Variants in NCR3LG1 observed in about 807,000 individuals in gnomAD.
The protein encoded by NCR3LG1 is natural killer cell cytotoxicity receptor 3 ligand 1.
A neutral mutation model predicts 34.8 loss-of-function variants in NCR3LG1; 35 were observed. That is an observed-to-expected ratio of 1.01 (90% CI 0.77 to 1.33). The LOEUF is 1.33. Among genes scored for constraint, NCR3LG1 ranks in the 40% most tolerant of loss-of-function variants. The pLI, the probability that NCR3LG1 is intolerant of heterozygous loss-of-function variation, is 0.00. For synonymous variants in NCR3LG1, 173 were observed against 163.6 expected, an observed-to-expected ratio of 1.06 and a Z score of -0.44; for missense variants, 452 against 423.3, an observed-to-expected ratio of 1.07 and a Z score of -0.60.
intron 2 of NCR3LG1, among the ~76,000 whole-genome samples, chr11:17,357,413 A>T (rs556658915): frequency 6.6e-6 from 1 of 152,268 alleles, no homozygotes; most frequent in East Asian, 1.9e-4. Context: ...TTTTAACTTA[A>T]TTACCTCTTT....
chr11:17,366,117 A>G (rs1011673302), intron 2 of NCR3LG1, among the ~76,000 whole-genome samples: 4 of 152,138 alleles, frequency 2.6e-5, no homozygotes, highest in Admixed American at 1.3e-4. Flanking sequence ...GGCTTTGGAA[A>G]TGGCAGTTTA....
In NCR3LG1 at chr11:17,376,036, A is replaced by G. The variant is rs1275366600; in HGVS notation, c.*3524A>G. On this transcript the variant is annotated 3_prime_UTR_variant, in exon 5 of 5. Coordinates refer to ENST00000338965, the MANE Select transcript of NCR3LG1 (RefSeq NM_001202439.3). ...CATCCAAAGATTGTTCTCAGGAGAA[A>G]ATCTACTAAAAATGGTCAAATAGGT... is the stretch of plus-strand genomic sequence containing the variant. 1 of 152,172 alleles carries G rather than the reference A, an allele frequency of 6.6e-6. No individual in the cohort carries two copies. Among genetic ancestry groups the G allele is most frequent in the African/African-American group, 2.4e-5 (1 of 41,430 alleles). 9.4% of individuals were successfully genotyped at this position (152,172 alleles called of 1,614,324 possible).
Position 17,356,975 on chromosome 11 carries a change from A to G in NCR3LG1, c.395A>G (p.Gln132Arg), listed in dbSNP as rs1283592022. 1 of 1,532,110 alleles carries G rather than the reference A, an allele frequency of 6.5e-7. No homozygotes were observed. The allele number at this position is 1,532,110 out of a possible 1,614,324, so 94.9% of individuals were successfully genotyped here. A position where few individuals can be genotyped will look rare whatever the true frequency, so the allele number is the denominator to read the frequency against. Residue 132 changes from glutamine to arginine, a missense_variant, in exon 2 of 5, where the codon CAG becomes CGG. Physicochemically the swap from Gln to Arg is conservative, Grantham distance 43 (BLOSUM62 1). Transcript: ENST00000338965. ...GTGGTGGTCACCCCTCTGAAGGCAC[A>G]GGGAACAGTCCAGCTTGAAGTTGTG... is the stretch of plus-strand genomic sequence containing the variant. ...CEVVVTPLKA[Q>R]GTVQLEVVAS...
At chr11:17,364,143 T>C (rs1953318409) in intron 2 of NCR3LG1, among the ~76,000 whole-genome samples, 1 of 152,142 alleles carries the variant, frequency 6.6e-6, no homozygotes, top group Admixed American at 6.5e-5. Context: ...TTGGCTATTC[T>C]GGGGTTTTTT....
intron 2 of NCR3LG1, among the ~76,000 whole-genome samples, chr11:17,360,157 C>A (rs1404278929): frequency 6.6e-6 from 1 of 152,150 alleles, no homozygotes. Flanking sequence ...CTGCGTGTCT[C>A]GGCCTCCCAA....
At chr11:17,352,631 G>A (rs1270344904) in intron 1 of NCR3LG1, among the ~76,000 whole-genome samples, 1 of 152,140 alleles carries the variant, frequency 6.6e-6, no homozygotes, top group Non-Finnish European at 1.5e-5. Flanking sequence ...GGTATTTGGC[G>A]CCTCTCTCGC....
intron 2 of NCR3LG1, among the ~76,000 whole-genome samples, chr11:17,358,478 C>A (rs1029370968): frequency 1.3e-5 from 2 of 152,114 alleles, no homozygotes; most frequent in African/African-American, 4.8e-5. Context: ...GGTAAACTGC[C>A]ATTTTCATCA....
In NCR3LG1 at chr11:17,356,974, C is replaced by G. The variant is rs1267161210; in HGVS notation, c.394C>G (p.Gln132Glu). ...GGTGGTGGTCACCCCTCTGAAGGCA[C>G]AGGGAACAGTCCAGCTTGAAGTTGT... Reference protein sequence around the residue: ...CEVVVTPLKAQGTVQLEVVAS... With the variant: ...CEVVVTPLKAEGTVQLEVVAS... The change falls in exon 2 of 5, where the codon CAG (glutamine) becomes GAG (glutamate). Residue 132 changes from glutamine (Q) to glutamate (E), a missense_variant. Coordinates refer to ENST00000338965, the MANE Select transcript of NCR3LG1 (RefSeq NM_001202439.3). 6.5e-7 allele frequency: 1 copy of G among 1,532,388 alleles called. No homozygotes were observed. The highest frequency in any genetic ancestry group is 2.4e-5 in the East Asian group (1 of 40,862). The allele number at this position is 1,532,388 out of a possible 1,614,324, so 94.9% of individuals were successfully genotyped here. A position where few individuals can be genotyped will look rare whatever the true frequency, so the allele number is the denominator to read the frequency against.
Position 17,368,978 on chromosome 11 carries a change from A to G in NCR3LG1, c.858+14A>G, listed in dbSNP as rs1204399820. The G allele has an allele frequency of 6.7e-7, 1 of 1,497,692 alleles. No homozygotes were observed. Among genetic ancestry groups the G allele is most frequent in the South Asian group, 1.2e-5 (1 of 82,918 alleles). 92.8% of individuals were successfully genotyped at this position (1,497,692 alleles called of 1,614,324 possible). On this transcript the variant is annotated intron_variant, in intron 4 of 4. Transcript: ENST00000338965. Reference sequence around the variant, plus strand: ...CCTTGGAAAAAGGTAAGGGGCTCCAAAGCAAAGTTCAGCCCTGTGTCTTGG... The same window carrying G: ...CCTTGGAAAAAGGTAAGGGGCTCCAGAGCAAAGTTCAGCCCTGTGTCTTGG...
Position 17,375,303 on chromosome 11 carries a change from C to G in NCR3LG1, c.*2791C>G, listed in dbSNP as rs528675362. The stretch of plus-strand genomic sequence containing the variant: ...GAACAGACTGTAGTACAACCTATGC[C>G]GCTAGGGAGGATCTCAAAGAAATTC... On this transcript the variant is annotated 3_prime_UTR_variant, in exon 5 of 5. Coordinates refer to ENST00000338965, the MANE Select transcript of NCR3LG1 (RefSeq NM_001202439.3). 6.6e-6 allele frequency: 1 copy of G among 152,134 alleles called. No individual in the cohort carries two copies. The highest frequency in any genetic ancestry group is 1.9e-4 in the East Asian group (1 of 5,194). 9.4% of individuals were successfully genotyped at this position (152,134 alleles called of 1,614,324 possible).
Position 17,372,182 on chromosome 11 carries a change from T to A in NCR3LG1, c.1035T>A (p.Ile345=), listed in dbSNP as rs766660731. 8 of 702,884 alleles carry A rather than the reference T, an allele frequency of 1.1e-5. No homozygotes were observed. The highest frequency in any genetic ancestry group is 3.5e-5 in the African/African-American group (2 of 57,248). 43.5% of individuals were successfully genotyped at this position (702,884 alleles called of 1,614,324 possible). A position where few individuals can be genotyped will look rare whatever the true frequency, so the allele number is the denominator to read the frequency against. ...GGCCTCCTGAGGGAAGTGTTAATATTAATACTATTCAACAACTAGATGTTT... is the reference window on the plus strand; with the variant it reads ...GGCCTCCTGAGGGAAGTGTTAATATAAATACTATTCAACAACTAGATGTTT... ...EAWPPEGSVN[I]NTIQQLDVFC... is the part of the protein sequence containing the mutation. Residue 345 remains isoleucine, a synonymous_variant, in exon 5 of 5, where the codon ATT becomes ATA. Coordinates refer to ENST00000338965, the MANE Select transcript of NCR3LG1 (RefSeq NM_001202439.3).
At chr11:17,378,017 G>T (rs1397245942), downstream of NCR3LG1, among the ~76,000 whole-genome samples, 1 of 152,134 alleles carries the variant, frequency 6.6e-6, no homozygotes, top group Non-Finnish European at 1.5e-5. Flanking sequence ...ATAGTCAGAG[G>T]CCTATTCTGG....
chr11:17,357,503 A>G (rs1305044538), intron 2 of NCR3LG1, among the ~76,000 whole-genome samples: 2 of 152,292 alleles, frequency 1.3e-5, no homozygotes, highest in African/African-American at 2.4e-5. Flanking sequence ...GGAGGACATA[A>G]TTCAGCCCAG....
rs1283191045 is a variant in NCR3LG1 at position 17,374,550 on chromosome 11, C to T, written c.*2038C>T. On this transcript the variant is annotated 3_prime_UTR_variant, in exon 5 of 5. Transcript: ENST00000338965. ...GGAAAGGGATATAAGGCTTCAAAAT[C>T]TAAGGCTCAGCTCTATCAGACTTTG... 6.6e-6 allele frequency: 1 copy of T among 152,134 alleles called. No homozygotes were observed. The highest frequency in any genetic ancestry group is 1.5e-5 in the Non-Finnish European group (1 of 68,038). The allele number at this position is 152,134 out of a possible 1,614,324, so 9.4% of individuals were successfully genotyped here. A position where few individuals can be genotyped will look rare whatever the true frequency, so the allele number is the denominator to read the frequency against.
rs556207331 is a variant in NCR3LG1, at chr11:17,354,647, A to G, written c.71-2004A>G. On this transcript the variant is annotated intron_variant, in intron 1 of 4. Coordinates refer to ENST00000338965, the MANE Select transcript of NCR3LG1 (RefSeq NM_001202439.3). Reference sequence around the variant, plus strand: ...GCTGTTTCATATCCTTGGTTTCTCCATTTCTTGGTTGGCCACCAGGGGGAA... The same window carrying G: ...GCTGTTTCATATCCTTGGTTTCTCCGTTTCTTGGTTGGCCACCAGGGGGAA... 2.9e-5 allele frequency among the ~76,000 whole-genome samples: 4 copies of G among 136,054 alleles called. No individual in the cohort carries two copies. In the East Asian group the frequency reaches 8.7e-4, roughly 29 times the overall value. The allele number at this position is 136,054 out of a possible 152,430, so 89.3% of individuals were successfully genotyped here.
chr11:17,372,537 AG>A lies in NCR3LG1; in HGVS notation c.*28del. On this transcript the variant is annotated 3_prime_UTR_variant, in exon 5 of 5. Transcript: ENST00000338965. Reference sequence around the variant, plus strand: ...AATGCCTGATGGACCTGGTGCCACTAGGGTCCAAGTTCCCTTTTCATTACAG... The same window carrying A: ...AATGCCTGATGGACCTGGTGCCACTAGGTCCAAGTTCCCTTTTCATTACAG... The A allele has an allele frequency of 1.5e-6, 1 of 664,690 alleles. No homozygotes were observed. Among genetic ancestry groups the A allele is most frequent in the Non-Finnish European group, 2.7e-6 (1 of 366,028 alleles). The allele number at this position is 664,690 out of a possible 1,614,324, so 41.2% of individuals were successfully genotyped here. A position where few individuals can be genotyped will look rare whatever the true frequency, so the allele number is the denominator to read the frequency against.
At chr11:17,362,614 T>C (rs116541891) in intron 2 of NCR3LG1, among the ~76,000 whole-genome samples, 1,629 of 149,524 alleles carry the variant, frequency 0.011, 34 homozygotes, top group African/African-American at 0.037. Context: ...CTTTCCTTTT[T>C]GGAAGGTGAT....
intron 1 of NCR3LG1, among the ~76,000 whole-genome samples, chr11:17,354,380 G>T (rs1458369953): frequency 6.6e-6 from 1 of 152,198 alleles, no homozygotes; most frequent in African/African-American, 2.4e-5. Flanking sequence ...GCGCTTGGGC[G>T]CTCTGAAAAT....
At chr11:17,371,396 C>T (rs1021085125) in intron 4 of NCR3LG1, among the ~76,000 whole-genome samples, 3 of 152,110 alleles carry the variant, frequency 2.0e-5, no homozygotes, top group Admixed American at 6.6e-5. Flanking sequence ...TGATCAGGCC[C>T]CATGCCCTAT....
Sources: gnomAD v4.1 joint callset for allele counts (sites outside exome capture counted in the v4.1 genomes callset) on GRCh38, gnomAD v4.1.1 for gene constraint, MANE v1.5 for transcripts, NCBI Gene and HGNC (gene_info 2026-07-23, HGNC 2026-07-21) for gene names.